CEP170B: variants seen among roughly 807,000 people sequenced by gnomAD.
The protein encoded by CEP170B is centrosomal protein 170B.
A neutral mutation model predicts 120.6 loss-of-function variants in CEP170B; 55 were observed. That is an observed-to-expected ratio of 0.46 (90% confidence interval 0.37 to 0.57). The LOEUF is 0.57. CEP170B is among the 20% of genes least tolerant of loss of function. CEP170B has a pLI of 0.00. For missense variants in CEP170B, 2,212 were observed against 2,253.3 expected (o/e 0.98, Z 0.37); for synonymous variants, 1,033 against 954.5 (o/e 1.08, Z -1.52).
intron 5 of CEP170B, among the ~76,000 whole-genome samples, chr14:104,879,154 G>A (rs1055655130): frequency 6.6e-6 from 1 of 152,148 alleles, no homozygotes; most frequent in Non-Finnish European, 1.5e-5. Context: ...GAAGCTGAAG[G>A]GATTAAGAGT....
At chr14:104,893,193 C>A in intron 14 of CEP170B, 58 bp downstream of exon 14, 1 of 1,545,320 alleles carries the variant, frequency 6.5e-7, no homozygotes, top group Non-Finnish European at 8.7e-7. Flanking sequence ...GAGGGTCAGG[C>A]CAGGTCCCCA....
chr14:104,896,038 C>T lies in CEP170B; in HGVS notation c.*1080C>T, dbSNP rs752292075. The T allele has an allele frequency of 1.9e-5, 3 of 155,984 alleles. No individual in the cohort carries two copies. Among genetic ancestry groups the T allele is most frequent in the Non-Finnish European group, 2.9e-5 (2 of 70,140 alleles). The allele number at this position is 155,984 out of a possible 1,614,324, so 9.7% of individuals were successfully genotyped here. ...TGCCGTGGCCCCTGCTGGGGCAGCCCGTGTTGCCGGAGCCTCTAAGCCAAA... is the reference window on the plus strand; with the variant it reads ...TGCCGTGGCCCCTGCTGGGGCAGCCTGTGTTGCCGGAGCCTCTAAGCCAAA... On this transcript the variant is annotated 3_prime_UTR_variant, in exon 19 of 19. Coordinates refer to ENST00000414716, the MANE Select transcript of CEP170B (RefSeq NM_001112726.3).
Position 104,886,471 on chromosome 14 carries a change from T to C in CEP170B, c.2232T>C (p.Pro744=). The change falls in exon 12 of 19, where the codon CCT becomes CCC. Residue 744 remains proline (P), a synonymous_variant. Coordinates refer to ENST00000414716, the MANE Select transcript of CEP170B (RefSeq NM_001112726.3). ...SRLFGQEELD[P]DSLSDASGSD... ...TCTTCGGCCAGGAGGAGTTGGATCC[T>C]GACAGCCTCAGCGATGCCAGTGGGT... 6.4e-7 allele frequency: 1 copy of C among 1,553,926 alleles called. No homozygotes were observed. Among genetic ancestry groups the C allele is most frequent in the Non-Finnish European group, 8.7e-7 (1 of 1,152,426 alleles).
intron 2 of CEP170B, among the ~76,000 whole-genome samples, chr14:104,869,668 G>T (rs1466969307): frequency 6.6e-6 from 1 of 152,206 alleles, no homozygotes; most frequent in African/African-American, 2.4e-5. Context: ...GTGAGGCTTT[G>T]CCCTTGGGAA....
chr14:104,894,686 C>A, intron 18 of CEP170B, 25 bp from the exon 19 acceptor site: 1 of 1,570,390 alleles, frequency 6.4e-7, no homozygotes, highest in Non-Finnish European at 8.7e-7. Flanking sequence ...GGATCCGCAG[C>A]CTGACCCTCC....
intron 10 of CEP170B, 31 bp downstream of exon 10, chr14:104,885,573 G>A: frequency 6.5e-7 from 1 of 1,531,616 alleles, no homozygotes. Context: ...CCCAAGGAGG[G>A]GCTGGGCAGG....
intron 3 of CEP170B, among the ~76,000 whole-genome samples, chr14:104,877,559 G>A (rs922154988): frequency 1.3e-5 from 2 of 152,230 alleles, no homozygotes; most frequent in Admixed American, 6.5e-5. Flanking sequence ...GGGCCAGCAC[G>A]AGGCTGTATG....
At chr14:104,880,859 A>C (rs1315423103) in intron 6 of CEP170B, among the ~76,000 whole-genome samples, 5 of 146,834 alleles carry the variant, frequency 3.4e-5, no homozygotes, top group Non-Finnish European at 3.0e-5. Context: ...CTGTACACAC[A>C]TCTACCTGTG....
At chr14:104,872,486 T>TGCCGTGTGTGC (rs1895621811) in intron 2 of CEP170B, among the ~76,000 whole-genome samples, 1 of 94,230 alleles carries the variant, frequency 1.1e-5, no homozygotes, top group African/African-American at 2.8e-5. Flanking sequence ...TGTGCGTGTG[T>TGCCGTGTGTGC]GCCGTGTGTG....
At chr14:104,872,168 T>A (rs934560278) in intron 2 of CEP170B, among the ~76,000 whole-genome samples, 1 of 134,638 alleles carries the variant, frequency 7.4e-6, no homozygotes, top group Non-Finnish European at 1.6e-5. Context: ...GTGTGCCGCG[T>A]GTGTGTGCGT....
intron 6 of CEP170B, 85 bp from the exon 7 acceptor site, chr14:104,882,643 C>A: frequency 8.9e-7 from 1 of 1,120,986 alleles, no homozygotes; most frequent in Non-Finnish European, 1.3e-6. Context: ...GCCCCAGAGT[C>A]CAGCCTCTCC....
chr14:104,879,125 A>G (rs1896011452), intron 5 of CEP170B, among the ~76,000 whole-genome samples: 1 of 152,122 alleles, frequency 6.6e-6, no homozygotes, highest in South Asian at 2.1e-4. Context: ...CTCTGACATT[A>G]CAGTTATTTG....
At chr14:104,889,467 G>A (rs1896680512) in intron 12 of CEP170B, 153 bp from the exon 13 acceptor site, 1 of 1,513,682 alleles carries the variant, frequency 6.6e-7, no homozygotes, top group Non-Finnish European at 8.8e-7. Flanking sequence ...AGGGTGCTGA[G>A]TGCTGCTTTG....
In CEP170B at chr14:104,885,515, G is replaced by T. The variant is rs1896431799; in HGVS notation, c.1917G>T (p.Leu639=). 13 of 1,566,820 alleles carry T rather than the reference G, an allele frequency of 8.3e-6. No homozygotes were observed. Among genetic ancestry groups the T allele is most frequent in the Non-Finnish European group, 1.1e-5 (13 of 1,158,924 alleles). ...ALLQEFASRP[L]GAAPQAEHQG... Reference sequence around the variant, plus strand: ...TGCAGGAGTTTGCCTCCCGGCCACTGGGTGCGGCCCCCCAGGCGGAGCACC... The same window carrying T: ...TGCAGGAGTTTGCCTCCCGGCCACTTGGTGCGGCCCCCCAGGCGGAGCACC... Residue 639 remains leucine (L), a synonymous_variant, in exon 10 of 19, where the codon CTG becomes CTT. Transcript: ENST00000414716.
chr14:104,894,452 G>C, intron 17 of CEP170B, 74 bp downstream of exon 17: 1 of 1,607,170 alleles, frequency 6.2e-7, no homozygotes, highest in Non-Finnish European at 8.5e-7. Flanking sequence ...CCCAAACCTT[G>C]TCCCAGCTCC....
rs1895269810 is a variant in CEP170B at position 104,867,727 on chromosome 14, T to C, written c.-27-697T>C. Among the ~76,000 whole-genome samples, 1 of 152,122 alleles carries C rather than the reference T, an allele frequency of 6.6e-6. No individual in the cohort carries two copies. Among genetic ancestry groups the C allele is most frequent in the Non-Finnish European group, 1.5e-5 (1 of 68,026 alleles). ...ACCAGCCCCTCAGACCACCCCCTCT[T>C]TGTTGATGTCACTGGGACTATGGGC... On this transcript the variant is annotated intron_variant, in intron 1 of 18. Transcript: ENST00000414716. The surrounding 1 kb of genome is among the most constrained non-coding windows in gnomAD (Gnocchi z 5.4).
chr14:104,889,902 A>G, intron 13 of CEP170B, 144 bp downstream of exon 13: 1 of 601,770 alleles, frequency 1.7e-6, no homozygotes, highest in Non-Finnish European at 2.7e-6. Context: ...GGATGGATGG[A>G]CAAATGGATG....
At chr14:104,893,282 G>A (rs1425678030) in intron 14 of CEP170B, 147 bp downstream of exon 14, 12 of 1,115,340 alleles carry the variant, frequency 1.1e-5, no homozygotes, top group East Asian at 2.6e-5. Flanking sequence ...CTGGGTCAGC[G>A]CCCCAAACGG....
At chr14:104,894,238 A>T in intron 16 of CEP170B, 47 bp from the exon 17 acceptor site, 1 of 1,418,904 alleles carries the variant, frequency 7.0e-7, no homozygotes, top group South Asian at 1.1e-5. Flanking sequence ...CAGCTCTGTC[A>T]TCTCTGTCCT....
Sources: gnomAD v4.1 joint callset for allele counts (sites outside exome capture counted in the v4.1 genomes callset) on GRCh38, gnomAD v4.1.1 for gene constraint, Gnocchi (gnomAD v3.1) non-coding constraint, MANE v1.5 for transcripts, NCBI Gene and HGNC (gene_info 2026-07-23, HGNC 2026-07-21) for gene names.